The following FAAH2 variants were observed in gnomAD, a reference collection of about 807,000 sequenced individuals.
FAAH2 encodes fatty acid amide hydrolase 2.
In FAAH2, 60 loss-of-function variants were observed where a neutral mutation model predicts 36.9. The observed-to-expected ratio is 1.63, with a 90% CI of 1.32 to 2.02. The LOEUF (loss-of-function observed/expected upper bound fraction) is 2.02. FAAH2 is among the 30% of genes most tolerant of loss of function. The pLI is 0.00. For missense variants in FAAH2, 689 were observed against 397.5 expected (o/e 1.73, Z -6.23); for synonymous variants, 214 against 143.8 (o/e 1.49, Z -3.49).
the FAAH2 span, among the ~76,000 whole-genome samples, chrX:57,225,120 AT>A: frequency 6.7e-5 from 7 of 104,540 alleles, no homozygotes; most frequent in South Asian, 4.0e-4. Context: ...CTTTCGTAAA[AT>A]TTTTTTTTTC....
At chrX:57,461,201 T>C (rs367952361) in intron 10 of FAAH2, among the ~76,000 whole-genome samples, 1 of 109,614 alleles carries the variant, frequency 9.1e-6, no homozygotes, top group Non-Finnish European at 1.9e-5. Flanking sequence ...CACACAATAA[T>C]AGTGGGAGAC....
chrX:57,427,457 G>T (rs73516873), intron 7 of FAAH2, among the ~76,000 whole-genome samples: 5,782 of 110,789 alleles, frequency 0.052, 342 homozygotes, highest in African/African-American at 0.17. Flanking sequence ...GAAGAGAAAA[G>T]AAATCTACAA....
In FAAH2 at chrX:57,292,594, C is replaced by G; in HGVS notation, c.275+14C>G. 8.4e-7 allele frequency: 1 copy of G among 1,187,308 alleles called. No individual in the cohort carries two copies. On this transcript the variant is annotated intron_variant, in intron 2 of 10. Transcript: ENST00000374900. ...TGTCAAGTACAGGTGAGCATTTCCA[C>G]TCTCTCAAGGAGTCATTTATGGTGG...
At chrX:57,289,736 G>A (rs111698278) in intron 1 of FAAH2, among the ~76,000 whole-genome samples, 82 of 111,251 alleles carry the variant, frequency 7.4e-4, no homozygotes, top group African/African-American at 2.4e-3. Context: ...GAACAGATAC[G>A]TAAATAGTTC....
chrX:57,190,256 A>G, the FAAH2 span, among the ~76,000 whole-genome samples: 8 of 109,691 alleles, frequency 7.3e-5, no homozygotes, highest in Non-Finnish European at 1.5e-4. Context: ...TCCACTGACC[A>G]AGTTCCTCCC....
intron 7 of FAAH2, among the ~76,000 whole-genome samples, chrX:57,418,865 C>G (rs1023374213): frequency 1.1e-5 from 1 of 89,675 alleles, no homozygotes; most frequent in African/African-American, 4.1e-5. Context: ...TGCTATCCTT[C>G]CCCCCTCCCC....
intron 8 of FAAH2, among the ~76,000 whole-genome samples, chrX:57,446,550 C>A (rs916720476): frequency 1.8e-5 from 2 of 111,669 alleles, no homozygotes; most frequent in Non-Finnish European, 3.8e-5. Context: ...TAAAAGAGAC[C>A]TCGTACTCAT....
intron 4 of FAAH2, among the ~76,000 whole-genome samples, chrX:57,332,328 A>G (rs944065621): frequency 1.8e-5 from 2 of 112,533 alleles, no homozygotes; most frequent in African/African-American, 6.4e-5. Context: ...TGTGATGATT[A>G]AAAATTTAAG....
chrX:57,249,834 C>T, the FAAH2 span, among the ~76,000 whole-genome samples: 2 of 112,031 alleles, frequency 1.8e-5, no homozygotes, highest in Non-Finnish European at 3.8e-5. Context: ...AGGAAGGCCA[C>T]AGATTGGATG....
At chrX:57,151,351 A>G in the FAAH2 span, among the ~76,000 whole-genome samples, 1 of 111,924 alleles carries the variant, frequency 8.9e-6, no homozygotes, top group Non-Finnish European at 1.9e-5. Flanking sequence ...TATCCTGCAG[A>G]GTGTTTTCCA....
the FAAH2 span, among the ~76,000 whole-genome samples, chrX:57,241,238 T>C: frequency 2.7e-5 from 3 of 112,265 alleles, no homozygotes; most frequent in African/African-American, 6.5e-5. Context: ...AACCAAAAAC[T>C]ATAAAAATCC....
chrX:57,423,994 G>C (rs756509378), intron 7 of FAAH2, among the ~76,000 whole-genome samples: 4 of 111,300 alleles, frequency 3.6e-5, no homozygotes, highest in Non-Finnish European at 5.7e-5. Flanking sequence ...CAATAGCATA[G>C]CACTCAGAAA....
intron 10 of FAAH2, among the ~76,000 whole-genome samples, chrX:57,473,746 C>T (rs1217817595): frequency 9.0e-6 from 1 of 111,381 alleles, no homozygotes; most frequent in Non-Finnish European, 1.9e-5. Context: ...TTTATTGGAG[C>T]TTTTCTTAAT....
Position 57,292,580 on chromosome X carries a change from G to A in FAAH2, c.275G>A (p.Arg92Lys). 8.3e-7 allele frequency: 1 copy of A among 1,203,969 alleles called. No homozygotes were observed. Among genetic ancestry groups the A allele is most frequent in the Non-Finnish European group, 1.1e-6 (1 of 890,234 alleles). ...NPMINGIVKY[R>K]FEEAMKEAHA... ...ATGATCAATGGAATTGTCAAGTACA[G>A]GTGAGCATTTCCACTCTCTCAAGGA... Residue 92 changes from arginine (R) to lysine (K), a missense_variant and splice_region_variant, in exon 2 of 11, where the codon AGG (arginine) becomes AAG (lysine). Physicochemically the swap from Arg to Lys is conservative, Grantham distance 26. Coordinates refer to ENST00000374900, the MANE Select transcript of FAAH2 (RefSeq NM_174912.4).
At chrX:57,158,104 T>C in the FAAH2 span, among the ~76,000 whole-genome samples, 1 of 111,378 alleles carries the variant, frequency 9.0e-6, no homozygotes, top group East Asian at 2.8e-4. Flanking sequence ...CGGTCTTTGG[T>C]TTTCTGTCCC....
the FAAH2 span, among the ~76,000 whole-genome samples, chrX:57,267,708 T>C: frequency 2.7e-5 from 3 of 111,918 alleles, no homozygotes; most frequent in Admixed American, 2.8e-4. Flanking sequence ...TCCTGCAGAT[T>C]TACAGCACGC....
At chrX:57,275,211 C>T in the FAAH2 span, among the ~76,000 whole-genome samples, 2 of 112,173 alleles carry the variant, frequency 1.8e-5, no homozygotes, top group African/African-American at 3.2e-5. Context: ...ATGTGAAGGA[C>T]CTCTTCAAGG....
At chrX:57,312,860 A>G (rs1404935873) in intron 3 of FAAH2, among the ~76,000 whole-genome samples, 1 of 111,667 alleles carries the variant, frequency 9.0e-6, no homozygotes, top group Non-Finnish European at 1.9e-5. Context: ...CAAGTCCAAT[A>G]GCTCCCCAGA....
At chrX:57,374,722 G>T (rs756597629) in intron 5 of FAAH2, among the ~76,000 whole-genome samples, 1 of 111,209 alleles carries the variant, frequency 9.0e-6, no homozygotes, top group Non-Finnish European at 1.9e-5. Context: ...TCTGATTGCC[G>T]TTGCTAGGAC....
Sources: gnomAD v4.1 joint callset for allele counts (sites outside exome capture counted in the v4.1 genomes callset) on GRCh38, gnomAD v4.1.1 for gene constraint, MANE v1.5 for transcripts, NCBI Gene and HGNC (gene_info 2026-07-23, HGNC 2026-07-21) for gene names.